Variants in ZNF865 observed in about 807,000 individuals in gnomAD.
ZNF865 encodes the protein zinc finger protein 865.
For missense variants in ZNF865, 1,311 were observed against 1,593.4 expected, an observed-to-expected ratio of 0.82 and a Z score of 3.02; for synonymous variants, 763 against 750.8, an observed-to-expected ratio of 1.02 and a Z score of -0.27.
chr19:55,607,634 T>C (rs2123581706), intron 1 of ZNF865, among the ~76,000 whole-genome samples: 1 of 152,278 alleles, frequency 6.6e-6, no homozygotes, highest in South Asian at 2.1e-4. Context: ...CCTGGGGGGC[T>C]GTGGTTCAGG....
At position 55,613,793 on chromosome 19, in the gene ZNF865, C is replaced by T; in HGVS notation, c.175C>T (p.Pro59Ser). 2.0e-6 allele frequency: 3 copies of T among 1,527,108 alleles called. No homozygotes were observed. The South Asian group carries it at 3.6e-5, about 18-fold the overall frequency. The allele number at this position is 1,527,108 out of a possible 1,614,324, so 94.6% of individuals were successfully genotyped here. ...ACACGCCAAGGCGGTGGCGGCCCTGCCCTGCGCCCCCGGCCCCCCGCCGCA... is the reference window on the plus strand; with the variant it reads ...ACACGCCAAGGCGGTGGCGGCCCTGTCCTGCGCCCCCGGCCCCCCGCCGCA... ...GEHAKAVAAL[P>S]CAPGPPPQPP... The change falls in exon 2 of 2, where the codon CCC becomes TCC. Residue 59 changes from proline (P) to serine (S), a missense_variant. By Grantham distance (74) the Pro-to-Ser change is moderately conservative (BLOSUM62 -1). Transcript: ENST00000568956.
rs1390844011 is a variant in ZNF865 at position 55,615,145 on chromosome 19, C to CGCG, written c.1535_1537dup (p.Ala512dup). ...CAGACAGCGAGAAGGCGGCGGCGGC[C>CGCG]GCGGCGGCGGTGGTGTACGGCGCTG... On this transcript the variant is annotated inframe_insertion, in exon 2 of 2. Coordinates refer to ENST00000568956, the MANE Select transcript of ZNF865 (RefSeq NM_001195605.2). 8.3e-7 allele frequency: 1 copy of CGCG among 1,200,098 alleles called. No homozygotes were observed. The highest frequency in any genetic ancestry group is 1.0e-6 in the Non-Finnish European group (1 of 966,460). The allele number at this position is 1,200,098 out of a possible 1,614,324, so 74.3% of individuals were successfully genotyped here. A position where few individuals can be genotyped will look rare whatever the true frequency, so the allele number is the denominator to read the frequency against.
At chr19:55,609,649 C>T (rs1268544350) in intron 1 of ZNF865, among the ~76,000 whole-genome samples, 1 of 152,168 alleles carries the variant, frequency 6.6e-6, no homozygotes, top group Non-Finnish European at 1.5e-5. Flanking sequence ...CCATGCTGCT[C>T]CTCAGTTTCC....
Position 55,615,014 on chromosome 19 carries a change from C to A in ZNF865, c.1396C>A (p.Pro466Thr). Residue 466 changes from proline to threonine, a missense_variant, in exon 2 of 2, where the codon CCC (proline) becomes ACC (threonine). Transcript: ENST00000568956. ...CCGCCACAAGGCCGCCCACGCCCCGCCCGCTGCCGCTGCGGAGGCGCCCAA... is the reference window on the plus strand; with the variant it reads ...CCGCCACAAGGCCGCCCACGCCCCGACCGCTGCCGCTGCGGAGGCGCCCAA... Reference protein sequence around the residue: ...LLRHKAAHAPPAAAAEAPKDG... With the variant: ...LLRHKAAHAPTAAAAEAPKDG... 7.4e-7 allele frequency: 1 copy of A among 1,352,052 alleles called. No homozygotes were observed. The highest frequency in any genetic ancestry group is 9.5e-7 in the Non-Finnish European group (1 of 1,057,444). 83.8% of individuals were successfully genotyped at this position (1,352,052 alleles called of 1,614,324 possible). A position where few individuals can be genotyped will look rare whatever the true frequency, so the allele number is the denominator to read the frequency against.
chr19:55,614,199 C>T lies in ZNF865; in HGVS notation c.581C>T (p.Pro194Leu), dbSNP rs552714359. ...CCGCTTCCTGCCCCCTCGCAGACCC[C>T]GCCAGGACCCCCCGCGGCGGCGGCC... ...PGPLPAPSQT[P>L]PGPPAAAACD... The change falls in exon 2 of 2, where the codon CCG becomes CTG. Residue 194 changes from proline to leucine, a missense_variant. Transcript: ENST00000568956. The surrounding 1 kb of genome is among the most constrained non-coding windows in gnomAD (Gnocchi z 8.0). 2.4e-5 allele frequency: 36 copies of T among 1,505,496 alleles called. No homozygotes were observed. The African/African-American group carries it at 4.2e-4, about 17-fold the overall frequency. The allele number at this position is 1,505,496 out of a possible 1,614,324, so 93.3% of individuals were successfully genotyped here.
chr19:55,608,238 C>T (rs993795052), intron 1 of ZNF865, among the ~76,000 whole-genome samples: 5 of 151,526 alleles, frequency 3.3e-5, no homozygotes, highest in African/African-American at 1.2e-4. Context: ...AGCGCAAAGG[C>T]CCTGCAGCAG....
At chr19:55,613,355 T>G (rs1981205393) in intron 1 of ZNF865, among the ~76,000 whole-genome samples, 1 of 149,192 alleles carries the variant, frequency 6.7e-6, no homozygotes, top group African/African-American at 2.5e-5. Context: ...AGGTGGGGAG[T>G]GGGTGGGAGT....
At position 55,615,211 on chromosome 19, in the gene ZNF865, C is replaced by A. The variant is rs1315868714; in HGVS notation, c.1593C>A (p.Gly531=). The change falls in exon 2 of 2, where the codon GGC becomes GGA. Residue 531 remains glycine (G), a synonymous_variant. Coordinates refer to ENST00000568956, the MANE Select transcript of ZNF865 (RefSeq NM_001195605.2). ...TGGGCGCCCACCCGCTGCTGCTCGG[C>A]GGCGCGGGGACCAGCGGGGCGGGAG... ...PLLGAHPLLL[G]GAGTSGAGGS... The A allele has an allele frequency of 6.3e-5, 91 of 1,451,864 alleles. No homozygotes were observed. Among genetic ancestry groups the A allele is most frequent in the Non-Finnish European group, 7.6e-5 (85 of 1,113,112 alleles). 89.9% of individuals were successfully genotyped at this position (1,451,864 alleles called of 1,614,324 possible). A position where few individuals can be genotyped will look rare whatever the true frequency, so the allele number is the denominator to read the frequency against.
At position 55,616,868 on chromosome 19, in the gene ZNF865, C is replaced by T. The variant is rs1981380898; in HGVS notation, c.*70C>T. 2.9e-6 allele frequency: 4 copies of T among 1,374,632 alleles called. No individual in the cohort carries two copies. Among genetic ancestry groups the T allele is most frequent in the South Asian group, 1.6e-5 (1 of 62,380 alleles). The allele number at this position is 1,374,632 out of a possible 1,614,324, so 85.2% of individuals were successfully genotyped here. ...CTCCCACCTCCCAGGACTGATCAGA[C>T]TCTTCCCCCCTCCTCGCTGTTGCCC... On this transcript the variant is annotated 3_prime_UTR_variant, in exon 2 of 2. Coordinates refer to ENST00000568956, the MANE Select transcript of ZNF865 (RefSeq NM_001195605.2).
Position 55,613,927 on chromosome 19 carries a change from C to T in ZNF865, c.309C>T (p.Ser103=), listed in dbSNP as rs1050631871. ...CCTCGTCCTCGTCCTCCTCCTCCTC[C>T]TCTTCGTCCTCCTCGTCGTCATCTT... The part of the protein sequence containing the change: ...SSSSSSSSSS[S]SSSSSSSSSS... The change falls in exon 2 of 2, where the codon TCC becomes TCT. Residue 103 remains serine (S), a synonymous_variant. Coordinates refer to ENST00000568956, the MANE Select transcript of ZNF865 (RefSeq NM_001195605.2). 4 of 1,527,958 alleles carry T rather than the reference C, an allele frequency of 2.6e-6. No individual in the cohort carries two copies. Among genetic ancestry groups the T allele is most frequent in the South Asian group, 2.4e-5 (2 of 83,720 alleles). The allele number at this position is 1,527,958 out of a possible 1,614,324, so 94.7% of individuals were successfully genotyped here.
At chr19:55,610,917 A>G (rs1981109959) in intron 1 of ZNF865, among the ~76,000 whole-genome samples, 1 of 152,102 alleles carries the variant, frequency 6.6e-6, no homozygotes, top group Admixed American at 6.6e-5. Flanking sequence ...GGCAGAAGAG[A>G]AAGTAACCAC....
At position 55,615,879 on chromosome 19, in the gene ZNF865, CG is replaced by C. The variant is rs1981338304; in HGVS notation, c.2266del (p.Glu756ArgfsTer53). Reference sequence around the variant, plus strand: ...GCCAGCGTGCTGGACAACGGGCTGGCGGGGGAGGTGGGGGCGGCCGTGGCGG... The same window carrying C: ...GCCAGCGTGCTGGACAACGGGCTGGCGGGGAGGTGGGGGCGGCCGTGGCGG... The part of the protein sequence containing the change: ...DAASVLDNGL[A>X]GEVGAAVAAL... On this transcript the variant is annotated frameshift_variant, in exon 2 of 2. Coordinates refer to ENST00000568956, the MANE Select transcript of ZNF865 (RefSeq NM_001195605.2). LOFTEE classifies it low-confidence loss of function (END_TRUNC). The C allele has an allele frequency of 1.4e-6, 2 of 1,476,836 alleles. No individual in the cohort carries two copies. The highest frequency in any genetic ancestry group is 1.8e-6 in the Non-Finnish European group (2 of 1,121,516). The allele number at this position is 1,476,836 out of a possible 1,614,324, so 91.5% of individuals were successfully genotyped here. A position where few individuals can be genotyped will look rare whatever the true frequency, so the allele number is the denominator to read the frequency against.
Position 55,616,198 on chromosome 19 carries a change from G to A in ZNF865, c.2580G>A (p.Ala860=). Residue 860 remains alanine, a synonymous_variant, in exon 2 of 2, where the codon GCG becomes GCA. Coordinates refer to ENST00000568956, the MANE Select transcript of ZNF865 (RefSeq NM_001195605.2). The part of the protein sequence containing the change: ...CPVCGKRFWE[A]ALLMRHQRCH... ...TGTGCGGGAAGCGCTTCTGGGAGGC[G>A]GCCCTGCTGATGCGCCACCAGCGCT... is the stretch of plus-strand genomic sequence containing the variant. 4 of 1,522,504 alleles carry A rather than the reference G, an allele frequency of 2.6e-6. No individual in the cohort carries two copies. Among genetic ancestry groups the A allele is most frequent in the South Asian group, 1.2e-5 (1 of 83,114 alleles). 94.3% of individuals were successfully genotyped at this position (1,522,504 alleles called of 1,614,324 possible). A position where few individuals can be genotyped will look rare whatever the true frequency, so the allele number is the denominator to read the frequency against.
rs758925959 is a variant in ZNF865, at chr19:55,616,247, C to A, written c.2629C>A (p.Arg877=). 13 of 1,523,868 alleles carry A rather than the reference C, an allele frequency of 8.5e-6. No homozygotes were observed. In the South Asian group the frequency reaches 1.3e-4, roughly 16 times the overall value. The allele number at this position is 1,523,868 out of a possible 1,614,324, so 94.4% of individuals were successfully genotyped here. Residue 877 remains arginine (R), a synonymous_variant, in exon 2 of 2, where the codon CGA becomes AGA. Coordinates refer to ENST00000568956, the MANE Select transcript of ZNF865 (RefSeq NM_001195605.2). Reference sequence around the variant, plus strand: ...CTGCCACACGGAACAGCGGCCGTACCGATGTGGCGTGTGCGGCCGAGGCTT... The same window carrying A: ...CTGCCACACGGAACAGCGGCCGTACAGATGTGGCGTGTGCGGCCGAGGCTT... ...QRCHTEQRPY[R]CGVCGRGFLR... is the part of the protein sequence containing the mutation.
Position 55,615,823 on chromosome 19 carries a change from GC to G in ZNF865, c.2210del (p.Pro737ArgfsTer72). 6.6e-7 allele frequency: 1 copy of G among 1,505,222 alleles called. No homozygotes were observed. The highest frequency in any genetic ancestry group is 2.2e-5 in the Admixed American group (1 of 46,214). The allele number at this position is 1,505,222 out of a possible 1,614,324, so 93.2% of individuals were successfully genotyped here. ...TCCCGCCCGCACCCGGCGGCCTGCA[GC>G]CCCCGGACGGCTCCAGCGGCACGGA... The part of the protein sequence containing the change: ...LLPPAPGGLQ[P>X]PDGSSGTDAA... On this transcript the variant is annotated frameshift_variant, in exon 2 of 2. Transcript: ENST00000568956. LOFTEE classifies it low-confidence loss of function (END_TRUNC).
chr19:55,616,243 G>A lies in ZNF865; in HGVS notation c.2625G>A (p.Pro875=), dbSNP rs971103561. Reference sequence around the variant, plus strand: ...AGCGCTGCCACACGGAACAGCGGCCGTACCGATGTGGCGTGTGCGGCCGAG... The same window carrying A: ...AGCGCTGCCACACGGAACAGCGGCCATACCGATGTGGCGTGTGCGGCCGAG... ...RHQRCHTEQR[P]YRCGVCGRGF... Residue 875 remains proline (P), a synonymous_variant, in exon 2 of 2, where the codon CCG becomes CCA. Coordinates refer to ENST00000568956, the MANE Select transcript of ZNF865 (RefSeq NM_001195605.2). The A allele has an allele frequency of 1.3e-6, 2 of 1,523,860 alleles. No individual in the cohort carries two copies. Among genetic ancestry groups the A allele is most frequent in the South Asian group, 1.2e-5 (1 of 83,172 alleles). The allele number at this position is 1,523,860 out of a possible 1,614,324, so 94.4% of individuals were successfully genotyped here.
At position 55,613,815 on chromosome 19, in the gene ZNF865, C is replaced by T. The variant is rs1179533435; in HGVS notation, c.197C>T (p.Pro66Leu). 1.7e-5 allele frequency: 25 copies of T among 1,484,914 alleles called. No individual in the cohort carries two copies. Among genetic ancestry groups the T allele is most frequent in the Middle Eastern group, 2.3e-4 (1 of 4,414 alleles). The allele number at this position is 1,484,914 out of a possible 1,614,324, so 92.0% of individuals were successfully genotyped here. The change falls in exon 2 of 2, where the codon CCG becomes CTG. Residue 66 changes from proline (P) to leucine (L), a missense_variant. By Grantham distance (98) the Pro-to-Leu change is moderately conservative (BLOSUM62 -3). Coordinates refer to ENST00000568956, the MANE Select transcript of ZNF865 (RefSeq NM_001195605.2). ...AALPCAPGPP[P>L]QPPPQPPPPQ... is the part of the protein sequence containing the mutation. Reference sequence around the variant, plus strand: ...CTGCCCTGCGCCCCCGGCCCCCCGCCGCAGCCCCCGCCGCAGCCCCCTCCC... The same window carrying T: ...CTGCCCTGCGCCCCCGGCCCCCCGCTGCAGCCCCCGCCGCAGCCCCCTCCC...
Position 55,616,910 on chromosome 19 carries a change from A to C in ZNF865, c.*112A>C. Reference sequence around the variant, plus strand: ...CTGTTGCCCCATCCTTCAGAACTTCACACGGACTGGCGACCTTCAGGGCGC... The same window carrying C: ...CTGTTGCCCCATCCTTCAGAACTTCCCACGGACTGGCGACCTTCAGGGCGC... On this transcript the variant is annotated 3_prime_UTR_variant, in exon 2 of 2. Coordinates refer to ENST00000568956, the MANE Select transcript of ZNF865 (RefSeq NM_001195605.2). The C allele has an allele frequency of 1.6e-6, 2 of 1,221,488 alleles. No individual in the cohort carries two copies. The highest frequency in any genetic ancestry group is 2.1e-6 in the Non-Finnish European group (2 of 930,584). The allele number at this position is 1,221,488 out of a possible 1,614,324, so 75.7% of individuals were successfully genotyped here.
chr19:55,613,412 G>T (rs1981207801), intron 1 of ZNF865, among the ~76,000 whole-genome samples, 181 bp from the exon 2 acceptor site: 1 of 152,186 alleles, frequency 6.6e-6, no homozygotes, highest in Non-Finnish European at 1.5e-5. Flanking sequence ...GAGTCCTGGG[G>T]CCAGGGAGCC....
Sources: gnomAD v4.1 joint callset for allele counts (sites outside exome capture counted in the v4.1 genomes callset) on GRCh38, gnomAD v4.1.1 for gene constraint, Gnocchi (gnomAD v3.1) non-coding constraint, MANE v1.5 for transcripts, NCBI Gene and HGNC (gene_info 2026-07-23, HGNC 2026-07-21) for gene names.